The following SEMA4D variants were observed in gnomAD, a reference collection of about 807,000 sequenced individuals.
The protein encoded by SEMA4D is semaphorin-4D.
SEMA4D carries 22 observed loss-of-function variants against 74.8 expected under a neutral mutation model. The ratio of observed to expected loss-of-function variants is 0.29; its 90% CI spans 0.21 to 0.42. The LOEUF is 0.42. SEMA4D is among the 10% of genes least tolerant of loss of function. SEMA4D has a pLI of 1.00. For missense variants in SEMA4D, 937 were observed against 1,118.4 expected, an observed-to-expected ratio of 0.84 and a Z score of 2.31; for synonymous variants, 445 against 463.7, an observed-to-expected ratio of 0.96 and a Z score of 0.52.
intron 13 of SEMA4D, chr9:89,385,420 G>A (rs1838223767): frequency 1.0e-6 from 1 of 985,312 alleles, no homozygotes; most frequent in Non-Finnish European, 1.2e-6. Context: ...TCAACAACGA[G>A]GCTGGGGTGA....
chr9:89,495,646 T>A (rs1360964801), intron 1 of SEMA4D, among the ~76,000 whole-genome samples: 1 of 152,168 alleles, frequency 6.6e-6, no homozygotes, highest in Non-Finnish European at 1.5e-5. Context: ...CAGCAGCCTT[T>A]CTCTCAGCAA....
chr9:89,496,829 TC>T (rs1225080942), intron 1 of SEMA4D, among the ~76,000 whole-genome samples: 2 of 152,126 alleles, frequency 1.3e-5, no homozygotes, highest in Non-Finnish European at 2.9e-5. Context: ...TGGTGTCACG[TC>T]ACCCCCAGGA....
At chr9:89,399,384 A>C in intron 4 of SEMA4D, 46 bp from the exon 5 acceptor site, 3 of 1,395,572 alleles carry the variant, frequency 2.1e-6, no homozygotes, top group Non-Finnish European at 3.1e-6. Flanking sequence ...TTAAAGAGAT[A>C]CTAGTATAAA....
At chr9:89,367,065 C>T (rs151159955) in intron 16 of SEMA4D, 134 of 152,646 alleles carry the variant, frequency 8.8e-4, no homozygotes, top group African/African-American at 3.1e-3. Flanking sequence ...TCAGTAAATA[C>T]TATTTAAATA....
intron 2 of SEMA4D, among the ~76,000 whole-genome samples, chr9:89,433,943 T>C (rs769562843): frequency 6.6e-5 from 10 of 152,178 alleles, no homozygotes; most frequent in Non-Finnish European, 1.3e-4. Context: ...ATGGATGCTA[T>C]GATGAGCTGC....
intron 2 of SEMA4D, among the ~76,000 whole-genome samples, chr9:89,423,910 T>C (rs1847551454): frequency 8.1e-6 from 1 of 123,278 alleles, no homozygotes; most frequent in Admixed American, 8.4e-5. Context: ...CTCCCTCCAC[T>C]ACTCCCTCAG....
intron 15 of SEMA4D, 34 bp from the exon 16 acceptor site, chr9:89,379,663 C>G (rs1836561215): frequency 6.4e-7 from 1 of 1,572,424 alleles, no homozygotes; most frequent in African/African-American, 1.4e-5. Flanking sequence ...ACAGCGTCAA[C>G]AATCCCCATT....
chr9:89,370,872 G>GTGGGGTGTGTGTC (rs1834511519), intron 16 of SEMA4D, among the ~76,000 whole-genome samples: 2 of 146,696 alleles, frequency 1.4e-5, no homozygotes, highest in Admixed American at 6.8e-5. Context: ...GATGTGGCGT[G>GTGGGGTGTGTGTC]TGGGGTGTGT....
chr9:89,381,032 T>C lies in SEMA4D; in HGVS notation c.1663+23A>G. 1.2e-6 allele frequency: 2 copies of C among 1,613,816 alleles called. No individual in the cohort carries two copies. The highest frequency in any genetic ancestry group is 2.2e-5 in the South Asian group (2 of 91,078). On this transcript the variant is annotated intron_variant, in intron 15 of 15. Coordinates refer to ENST00000422704, the MANE Select transcript of SEMA4D (RefSeq NM_001371194.2). This position sits in a 1 kb window ranked among gnomAD's most constrained non-coding sequence, Gnocchi z 4.6. ...AAGACCTCGCCACTCCCAAAGGAAA[T>C]GGGACGTCGAGGAGTCACTCACCCG...
intron 1 of SEMA4D, among the ~76,000 whole-genome samples, chr9:89,480,551 G>C (rs906807917): frequency 9.2e-5 from 14 of 152,232 alleles, no homozygotes; most frequent in Non-Finnish European, 1.8e-4. Flanking sequence ...TGCAGGTCCC[G>C]AGCCCTGCCC....
rs12115829 is a variant in SEMA4D, at chr9:89,421,538, C to T, written c.-243-15839G>A. 5.1e-3 allele frequency among the ~76,000 whole-genome samples: 771 copies of T among 152,270 alleles called. 6 individuals are homozygous for T. Among genetic ancestry groups the T allele is most frequent in the African/African-American group, 0.018 (730 of 41,552 alleles). On this transcript the variant is annotated intron_variant, in intron 2 of 15. Coordinates refer to ENST00000422704, the MANE Select transcript of SEMA4D (RefSeq NM_001371194.2). ...TGTGTGCAATATGACTGGAACGAGG[C>T]TATTCAATAGGTAAACTCCAAAGAC...
chr9:89,431,057 G>A (rs1315664183), intron 2 of SEMA4D, among the ~76,000 whole-genome samples: 1 of 152,220 alleles, frequency 6.6e-6, no homozygotes, highest in African/African-American at 2.4e-5. Context: ...TGCTATGCCG[G>A]CAGTACAATC....
chr9:89,447,648 T>C (rs1238763872), intron 2 of SEMA4D, among the ~76,000 whole-genome samples: 2 of 152,078 alleles, frequency 1.3e-5, no homozygotes, highest in African/African-American at 4.8e-5. Context: ...CCTCACAGCC[T>C]AACCGGGTGC....
Position 89,378,764 on chromosome 9 carries a change from G to A in SEMA4D, c.2529C>T (p.Asp843=), listed in dbSNP as rs768413290. ...GCTCACACTTGACGTCAAAGGGCTT[G>A]TCCCTGGCAGAAAGGTCGTCGATCC... ...SQRIDDLSAR[D]KPFDVKCELK... is the part of the protein sequence containing the mutation. Residue 843 remains aspartate, a synonymous_variant, in exon 16 of 16, where the codon GAC becomes GAT. Coordinates refer to ENST00000422704, the MANE Select transcript of SEMA4D (RefSeq NM_001371194.2). 6 of 1,614,216 alleles carry A rather than the reference G, an allele frequency of 3.7e-6. No individual in the cohort carries two copies. In the South Asian group the frequency reaches 6.6e-5, roughly 18 times the overall value.
At chr9:89,452,915 G>T (rs1854971121) in intron 2 of SEMA4D, among the ~76,000 whole-genome samples, 1 of 152,192 alleles carries the variant, frequency 6.6e-6, no homozygotes, top group Admixed American at 6.5e-5. Context: ...ACAGGACCCT[G>T]AGTGCCCATC....
chr9:89,364,075 C>A (rs45615438), intron 16 of SEMA4D: 2 of 1,576,308 alleles, frequency 1.3e-6, no homozygotes, highest in Non-Finnish European at 1.7e-6. Flanking sequence ...GGACAACTTC[C>A]AATTCAGTCC....
At chr9:89,371,556 GTGT>G in intron 16 of SEMA4D, among the ~76,000 whole-genome samples, 1 of 33,012 alleles carries the variant, frequency 3.0e-5, no homozygotes, top group Non-Finnish European at 6.8e-5. Context: ...TTGGGGTGTG[GTGT>G]GTGGGGGGGG....
chr9:89,485,781 T>C (rs1588190317), intron 1 of SEMA4D, among the ~76,000 whole-genome samples: 4 of 61,662 alleles, frequency 6.5e-5, no homozygotes, highest in Admixed American at 2.7e-4. Flanking sequence ...AGAGCAAAAC[T>C]CCATCTCAAA....
intron 1 of SEMA4D, among the ~76,000 whole-genome samples, chr9:89,479,278 C>T (rs1253350322): frequency 2.0e-5 from 3 of 152,212 alleles, no homozygotes; most frequent in Non-Finnish European, 1.5e-5. Flanking sequence ...AGATCCACAG[C>T]AAGGGGACAG....
Sources: gnomAD v4.1 joint callset for allele counts (sites outside exome capture counted in the v4.1 genomes callset) on GRCh38, gnomAD v4.1.1 for gene constraint, Gnocchi (gnomAD v3.1) non-coding constraint, MANE v1.5 for transcripts, NCBI Gene and HGNC (gene_info 2026-07-23, HGNC 2026-07-21) for gene names.